Variants in SGCZ observed in about 807,000 individuals in gnomAD.
SGCZ encodes the protein sarcoglycan zeta, also known as zeta-sarcoglycan.
Under a neutral mutation model 41.3 loss-of-function variants are expected in SGCZ, and 40 were observed. The observed-to-expected ratio is 0.97, with a 90% CI of 0.75 to 1.26. The LOEUF is 1.26. Ranked by LOEUF, SGCZ falls within the 50% of genes most tolerant of loss-of-function variation. The pLI is 0.00. For synonymous variants in SGCZ, 206 were observed against 137.5 expected (o/e 1.50, Z -3.49); for missense variants, 552 against 369.8 (o/e 1.49, Z -4.04).
At chr8:14,362,503 G>A (rs144663364) in intron 2 of SGCZ, among the ~76,000 whole-genome samples, 1,754 of 152,304 alleles carry the variant, frequency 0.012, 33 homozygotes, top group African/African-American at 0.039. Flanking sequence ...CCAAAAGCCA[G>A]GCACAAGAGG....
At chr8:14,786,588 A>T (rs1158219941) in intron 1 of SGCZ, among the ~76,000 whole-genome samples, 1 of 152,178 alleles carries the variant, frequency 6.6e-6, no homozygotes, top group Non-Finnish European at 1.5e-5. Flanking sequence ...CAGCTAAGCT[A>T]TCTTAAGCCA....
intron 1 of SGCZ, among the ~76,000 whole-genome samples, chr8:14,719,774 G>A (rs1585207472): frequency 6.6e-6 from 1 of 151,708 alleles, no homozygotes; most frequent in Admixed American, 6.6e-5. Context: ...AGATGAGTAG[G>A]TTGCTAAAAT....
chr8:14,699,221 A>G (rs1415307812), intron 1 of SGCZ, among the ~76,000 whole-genome samples: 1 of 149,702 alleles, frequency 6.7e-6, no homozygotes, highest in African/African-American at 2.4e-5. Flanking sequence ...TATATATAAT[A>G]TATAAATCTC....
intron 4 of SGCZ, among the ~76,000 whole-genome samples, chr8:14,236,417 T>C (rs1563202948): frequency 6.6e-6 from 1 of 152,120 alleles, no homozygotes; most frequent in Non-Finnish European, 1.5e-5. Flanking sequence ...TATGCTAAAA[T>C]GTCTCCTTTT....
chr8:14,492,746 C>T (rs1051607120), intron 2 of SGCZ, among the ~76,000 whole-genome samples: 5 of 152,134 alleles, frequency 3.3e-5, no homozygotes, highest in East Asian at 1.9e-4. Flanking sequence ...AGTTCCATTT[C>T]GTGATACTTT....
chr8:14,428,462 C>G (rs1327042440), intron 2 of SGCZ, among the ~76,000 whole-genome samples: 1 of 151,918 alleles, frequency 6.6e-6, no homozygotes, highest in African/African-American at 2.4e-5. Context: ...TTGTACCTAA[C>G]TGTGGTGGTA....
chr8:14,467,551 C>T lies in SGCZ; in HGVS notation c.234+87181G>A, dbSNP rs75986983. On this transcript the variant is annotated intron_variant, in intron 2 of 7. Coordinates refer to ENST00000382080, the MANE Select transcript of SGCZ (RefSeq NM_139167.4). ...TTGAGGGCTCTGAGATGGGTAGTTG[C>T]TACTGTGCTACGAGGAGCAATCGAC... 1.4e-3 allele frequency among the ~76,000 whole-genome samples: 211 copies of T among 152,166 alleles called. 4 individuals are homozygous for T. The East Asian group carries it at 0.032, about 23-fold the overall frequency.
At chr8:14,206,108 T>G (rs758268124) in intron 4 of SGCZ, among the ~76,000 whole-genome samples, 5 of 152,170 alleles carry the variant, frequency 3.3e-5, no homozygotes, top group Non-Finnish European at 2.9e-5. Context: ...TATATTTTGA[T>G]GTACAAATAA....
chr8:14,233,945 C>T (rs1806665156), intron 4 of SGCZ, among the ~76,000 whole-genome samples: 1 of 151,910 alleles, frequency 6.6e-6, no homozygotes. Flanking sequence ...ACAACAATCT[C>T]ATTCCTCTCT....
intron 1 of SGCZ, among the ~76,000 whole-genome samples, chr8:14,822,967 T>C (rs1203225504): frequency 1.3e-5 from 2 of 149,268 alleles, no homozygotes; most frequent in African/African-American, 2.5e-5. Context: ...GGCAGGAGAA[T>C]TGCTGGAGCC....
intron 2 of SGCZ, among the ~76,000 whole-genome samples, chr8:14,381,872 G>A (rs867783471): frequency 6.6e-6 from 1 of 151,844 alleles, no homozygotes; most frequent in African/African-American, 2.4e-5. Flanking sequence ...TTGTTTCACA[G>A]TCATCTTTCC....
Position 14,293,246 on chromosome 8 carries a change from T to C in SGCZ, c.336+30857A>G, listed in dbSNP as rs151220441. Among the ~76,000 whole-genome samples the C allele has an allele frequency of 3.3e-3, 496 of 152,130 alleles. 7 individuals are homozygous for C. Among genetic ancestry groups the C allele is most frequent in the Admixed American group, 0.022 (331 of 15,260 alleles). On this transcript the variant is annotated intron_variant, in intron 3 of 7. Transcript: ENST00000382080. ...CAGAAAAATCCCAGTGGACAATGGA[T>C]GTGATATATGTAAGAATGAATGTAT...
chr8:14,462,647 A>T (rs1029851098), intron 2 of SGCZ, among the ~76,000 whole-genome samples: 1 of 152,042 alleles, frequency 6.6e-6, no homozygotes, highest in African/African-American at 2.4e-5. Context: ...GAAACCGGGA[A>T]GTATGAACGC....
intron 1 of SGCZ, among the ~76,000 whole-genome samples, chr8:14,759,477 A>G (rs1032818608): frequency 6.6e-6 from 1 of 152,194 alleles, no homozygotes; most frequent in Non-Finnish European, 1.5e-5. Context: ...ACTTTTGGAA[A>G]GACAACTTAT....
At chr8:14,567,623 C>T (rs185317378) in intron 1 of SGCZ, among the ~76,000 whole-genome samples, 1 of 152,154 alleles carries the variant, frequency 6.6e-6, no homozygotes, top group African/African-American at 2.4e-5. Flanking sequence ...TGGCAACCAG[C>T]TGGGGTCCCC....
At chr8:14,663,905 G>C (rs1394390190) in intron 1 of SGCZ, among the ~76,000 whole-genome samples, 1 of 152,154 alleles carries the variant, frequency 6.6e-6, no homozygotes, top group Non-Finnish European at 1.5e-5. Flanking sequence ...AACTTTCAGT[G>C]AGAGGAGGGA....
At chr8:14,827,792 A>T (rs964823947) in intron 1 of SGCZ, among the ~76,000 whole-genome samples, 3 of 152,216 alleles carry the variant, frequency 2.0e-5, no homozygotes, top group Non-Finnish European at 4.4e-5. Flanking sequence ...AAAGTAATAC[A>T]GTTGTTAATA....
At chr8:14,346,329 T>C (rs985672145) in intron 2 of SGCZ, among the ~76,000 whole-genome samples, 12 of 152,040 alleles carry the variant, frequency 7.9e-5, no homozygotes, top group African/African-American at 2.9e-4. Context: ...AGATAAAATA[T>C]ACATTAGGAA....
intron 2 of SGCZ, among the ~76,000 whole-genome samples, chr8:14,531,393 A>G (rs144241998): frequency 2.2e-3 from 339 of 151,946 alleles, no homozygotes; most frequent in African/African-American, 7.8e-3. Flanking sequence ...AAGACTAGAA[A>G]TTGAAACTCA....
Sources: gnomAD v4.1 joint callset for allele counts (sites outside exome capture counted in the v4.1 genomes callset) on GRCh38, gnomAD v4.1.1 for gene constraint, MANE v1.5 for transcripts, NCBI Gene and HGNC (gene_info 2026-07-23, HGNC 2026-07-21) for gene names.